Variants in SNTG1 observed in about 807,000 individuals in gnomAD.
SNTG1 encodes the protein gamma-1-syntrophin.
SNTG1 carries 39 observed loss-of-function variants against 74.7 expected under a neutral mutation model. The observed-to-expected ratio is 0.52, with a 90% confidence interval of 0.40 to 0.68. The LOEUF (loss-of-function observed/expected upper bound fraction) is 0.68. Ranked by LOEUF, SNTG1 falls within the 30% of genes least tolerant of loss-of-function variation. The probability of loss-of-function intolerance (pLI) is 0.00; values close to 1 mark genes in which losing one functional copy is unlikely to be tolerated. For synonymous variants in SNTG1, 254 were observed against 217.1 expected (o/e 1.17, Z -1.49); for missense variants, 685 against 609.5 (o/e 1.12, Z -1.30).
chr8:50,779,219 G>T (rs1290144549), intron 18 of SNTG1, among the ~76,000 whole-genome samples: 1 of 152,150 alleles, frequency 6.6e-6, no homozygotes, highest in African/African-American at 2.4e-5. Context: ...CTTTAAAGTA[G>T]TTTTTTCCAA....
At chr8:49,971,790 T>G (rs1192146955) in intron 1 of SNTG1, among the ~76,000 whole-genome samples, 1 of 152,066 alleles carries the variant, frequency 6.6e-6, no homozygotes, top group Non-Finnish European at 1.5e-5. Flanking sequence ...ATAAAATACC[T>G]AGGAATCCAG....
chr8:50,568,251 G>A (rs1185836142), intron 12 of SNTG1, among the ~76,000 whole-genome samples: 1 of 151,872 alleles, frequency 6.6e-6, no homozygotes, highest in Non-Finnish European at 1.5e-5. Context: ...GTGTGTGTGT[G>A]TGCTATCTAT....
intron 17 of SNTG1, among the ~76,000 whole-genome samples, chr8:50,744,315 G>T (rs2095550386): frequency 6.6e-6 from 1 of 151,956 alleles, no homozygotes; most frequent in Non-Finnish European, 1.5e-5. Flanking sequence ...AAAAGCATTT[G>T]AGAAGACAAT....
chr8:50,102,007 C>T (rs1420975873), intron 1 of SNTG1, among the ~76,000 whole-genome samples: 1 of 151,800 alleles, frequency 6.6e-6, no homozygotes, highest in East Asian at 1.9e-4. Context: ...TGAATAGTGC[C>T]GCAATAAACA....
rs141111339 is a variant in SNTG1, at chr8:50,725,662, C to A, written c.1284+16684C>A. ...TTGCCTGATGCCAGAGGACAGGTTG[C>A]AGCAAGCAGGCTGTTACACCAACTG... is the stretch of plus-strand genomic sequence containing the variant. On this transcript the variant is annotated intron_variant, in intron 17 of 18. Transcript: ENST00000642720. Among the ~76,000 whole-genome samples the A allele has an allele frequency of 2.0e-4, 30 of 152,250 alleles. 1 individual carries two copies. Among genetic ancestry groups the A allele is most frequent in the African/African-American group, 6.5e-4 (27 of 41,548 alleles).
At chr8:49,920,626 G>A (rs1806452098) in intron 1 of SNTG1, among the ~76,000 whole-genome samples, 1 of 152,030 alleles carries the variant, frequency 6.6e-6, no homozygotes, top group Non-Finnish European at 1.5e-5. Context: ...CTAAGTAACT[G>A]GAGGCGTTTA....
intron 13 of SNTG1, among the ~76,000 whole-genome samples, chr8:50,595,151 T>G (rs904934671): frequency 4.0e-5 from 6 of 151,848 alleles, no homozygotes; most frequent in Admixed American, 2.6e-4. Context: ...AGAAAGAAAC[T>G]CTCCTAGTTC....
At chr8:50,464,918 C>A (rs1587714013) in intron 8 of SNTG1, among the ~76,000 whole-genome samples, 1 of 148,176 alleles carries the variant, frequency 6.7e-6, no homozygotes, top group East Asian at 2.0e-4. Context: ...TACCAAACTG[C>A]AACCCAAAGA....
intron 2 of SNTG1, among the ~76,000 whole-genome samples, chr8:50,198,271 G>A (rs1375935832): frequency 6.6e-6 from 1 of 152,186 alleles, no homozygotes; most frequent in Non-Finnish European, 1.5e-5. Flanking sequence ...CGGCTCTGAA[G>A]GTGGCAGTGG....
intron 15 of SNTG1, among the ~76,000 whole-genome samples, chr8:50,686,702 T>A (rs551177627): frequency 2.0e-5 from 3 of 152,250 alleles, no homozygotes; most frequent in Non-Finnish European, 4.4e-5. Context: ...GTTGAAAATG[T>A]TTTCAGGTAT....
chr8:50,477,954 A>G (rs1352464745), intron 8 of SNTG1, among the ~76,000 whole-genome samples: 2 of 152,154 alleles, frequency 1.3e-5, no homozygotes, highest in African/African-American at 2.4e-5. Context: ...TTGTGTATTG[A>G]TATAATGCTA....
intron 12 of SNTG1, among the ~76,000 whole-genome samples, chr8:50,585,097 AC>A (rs1397373821): frequency 6.6e-6 from 1 of 152,168 alleles, no homozygotes; most frequent in African/African-American, 2.4e-5. Context: ...AGAAAACAAG[AC>A]CGTATGCTTT....
chr8:50,214,512 T>G (rs1043288009), intron 2 of SNTG1, among the ~76,000 whole-genome samples: 2 of 152,120 alleles, frequency 1.3e-5, no homozygotes, highest in Non-Finnish European at 2.9e-5. Context: ...CACTTTGGAC[T>G]GGATGATACA....
At chr8:50,322,917 A>G (rs1404041629) in intron 2 of SNTG1, among the ~76,000 whole-genome samples, 5 of 151,824 alleles carry the variant, frequency 3.3e-5, no homozygotes. Flanking sequence ...GGAGTTTGAG[A>G]CCAGCCTGGC....
chr8:50,788,406 G>T (rs572797864), intron 18 of SNTG1, among the ~76,000 whole-genome samples: 4 of 151,916 alleles, frequency 2.6e-5, no homozygotes, highest in South Asian at 4.2e-4. Context: ...ATGTTGCATG[G>T]CCATGTTACT....
chr8:50,496,893 C>A (rs1219697866), intron 8 of SNTG1, among the ~76,000 whole-genome samples: 2 of 150,722 alleles, frequency 1.3e-5, no homozygotes, highest in Non-Finnish European at 3.0e-5. Context: ...ATAATTCGTT[C>A]ATTATTATTC....
At chr8:50,351,465 A>G (rs373635839) in intron 2 of SNTG1, among the ~76,000 whole-genome samples, 2 of 152,276 alleles carry the variant, frequency 1.3e-5, no homozygotes, top group African/African-American at 4.8e-5. Context: ...TGTTTATCTC[A>G]TTTGATTAAT....
intron 2 of SNTG1, among the ~76,000 whole-genome samples, chr8:50,270,318 A>G (rs572700615): frequency 4.5e-4 from 68 of 152,306 alleles, no homozygotes; most frequent in African/African-American, 1.5e-3. Flanking sequence ...GAAAATGTGT[A>G]TGTGAAAACT....
intron 2 of SNTG1, among the ~76,000 whole-genome samples, chr8:50,243,523 A>G (rs2086256844): frequency 6.6e-6 from 1 of 152,138 alleles, no homozygotes; most frequent in African/African-American, 2.4e-5. Context: ...TGTTTGCTGC[A>G]TCAAGCAATT....
Sources: allele counts gnomAD v4.1 joint callset (sites outside exome capture counted in the v4.1 genomes callset), GRCh38; gene constraint gnomAD v4.1.1; transcripts MANE v1.5; gene names NCBI Gene and HGNC (gene_info 2026-07-23, HGNC 2026-07-21).